Variants in CCDC148 observed in about 807,000 individuals in gnomAD.
CCDC148 encodes the protein coiled-coil domain-containing protein 148.
CCDC148 carries 89 observed loss-of-function variants against 85.7 expected under a neutral mutation model. The ratio of observed to expected loss-of-function variants is 1.04; its 90% confidence interval spans 0.87 to 1.24. The LOEUF is 1.24. Among genes scored for constraint, CCDC148 ranks in the 50% most tolerant of loss-of-function variants. The pLI is 0.00. For synonymous variants in CCDC148, 230 were observed against 213.9 expected, an observed-to-expected ratio of 1.08 and a Z score of -0.66; for missense variants, 692 against 671.7, an observed-to-expected ratio of 1.03 and a Z score of -0.33.
At chr2:158,432,556 A>T (rs111453073) in intron 1 of CCDC148, among the ~76,000 whole-genome samples, 4,148 of 152,260 alleles carry the variant, frequency 0.027, 75 homozygotes, top group Middle Eastern at 0.1. Context: ...AGAACAGAAA[A>T]TCTGAATTCC....
At chr2:158,426,177 G>A (rs1574800243) in intron 1 of CCDC148, among the ~76,000 whole-genome samples, 1 of 151,672 alleles carries the variant, frequency 6.6e-6, no homozygotes, top group East Asian at 1.9e-4. Context: ...TTCACAGATA[G>A]GTATGAGATT....
intron 7 of CCDC148, among the ~76,000 whole-genome samples, chr2:158,334,866 A>G (rs1270825206): frequency 6.6e-6 from 1 of 152,090 alleles, no homozygotes; most frequent in Non-Finnish European, 1.5e-5. Context: ...GTTAATCTTC[A>G]TTTTTAAAGT....
In CCDC148 at chr2:158,210,787, C is replaced by CAAA. The variant is rs34273946; in HGVS notation, c.1370+9805_1370+9807dup. The stretch of plus-strand genomic sequence containing the variant: ...TGAAACCGTGTCTCTACTAAAAATA[C>CAAA]AAAAAAAAAAAAAAAAAAAAAATTA... On this transcript the variant is annotated intron_variant, in intron 11 of 13. Transcript: ENST00000283233. Among the ~76,000 whole-genome samples, 777 of 89,430 alleles carry CAAA rather than the reference C, an allele frequency of 8.7e-3. 5 individuals carry two copies. Among genetic ancestry groups the CAAA allele is most frequent in the African/African-American group, 0.022 (441 of 20,216 alleles). The allele number at this position is 89,430 out of a possible 152,430, so 58.7% of individuals were successfully genotyped here.
At chr2:158,447,135 A>G (rs1187082176) in intron 1 of CCDC148, 3 of 152,150 alleles carry the variant, frequency 2.0e-5, no homozygotes, top group Non-Finnish European at 4.4e-5. Context: ...GTATAAGTTT[A>G]TATTTATATA....
rs372315214 is a variant in CCDC148, at chr2:158,408,005, G to A, written c.25+48410C>T. Among the ~76,000 whole-genome samples the A allele has an allele frequency of 1.4e-4, 21 of 152,246 alleles. No homozygotes were observed. The East Asian group carries it at 3.9e-3, about 28-fold the overall frequency. ...ATATAAAAATGGTCCATTCATTGGT[G>A]GGAGTATACTATGGGTCCAAGTAAG... On this transcript the variant is annotated intron_variant, in intron 1 of 13. Transcript: ENST00000283233.
chr2:158,428,354 G>C (rs555938626), intron 1 of CCDC148, among the ~76,000 whole-genome samples: 11 of 152,114 alleles, frequency 7.2e-5, no homozygotes, highest in African/African-American at 2.7e-4. Flanking sequence ...AACTGTCCAA[G>C]ATCTGATCCT....
At chr2:158,401,739 G>A (rs762147623) in intron 1 of CCDC148, among the ~76,000 whole-genome samples, 2 of 151,866 alleles carry the variant, frequency 1.3e-5, no homozygotes, top group Admixed American at 6.6e-5. Context: ...GAGGGAAAAG[G>A]GAAATGTCCT....
At chr2:158,455,114 G>T (rs1688563661) in intron 1 of CCDC148, among the ~76,000 whole-genome samples, 1 of 152,092 alleles carries the variant, frequency 6.6e-6, no homozygotes, top group Admixed American at 6.6e-5. Flanking sequence ...CAAAATCATT[G>T]GTATCTTTTC....
chr2:158,353,617 C>T (rs975103794), intron 2 of CCDC148, among the ~76,000 whole-genome samples: 4 of 152,160 alleles, frequency 2.6e-5, no homozygotes, highest in Admixed American at 1.3e-4. Context: ...GACTCCCACA[C>T]ATTAATAATG....
intron 10 of CCDC148, among the ~76,000 whole-genome samples, chr2:158,244,968 T>C (rs2105323426): frequency 6.6e-6 from 1 of 152,278 alleles, no homozygotes; most frequent in East Asian, 1.9e-4. Context: ...TCTTAGCTCT[T>C]TAGATCAGTA....
At chr2:158,193,210 A>T (rs1054082996) in intron 11 of CCDC148, among the ~76,000 whole-genome samples, 1 of 152,158 alleles carries the variant, frequency 6.6e-6, no homozygotes, top group Non-Finnish European at 1.5e-5. Context: ...TTAGCCAGGC[A>T]CAATCAACAT....
chr2:158,364,850 G>A (rs966064842), intron 1 of CCDC148, among the ~76,000 whole-genome samples: 3 of 152,056 alleles, frequency 2.0e-5, no homozygotes, highest in African/African-American at 7.2e-5. Flanking sequence ...CACAGCAAAA[G>A]AAACTATCAT....
intron 9 of CCDC148, among the ~76,000 whole-genome samples, chr2:158,252,281 C>A (rs13026705): frequency 6.6e-6 from 1 of 151,394 alleles, no homozygotes; most frequent in African/African-American, 2.4e-5. Context: ...ATCAAAATAA[C>A]CCAGGAAATT....
intron 9 of CCDC148, among the ~76,000 whole-genome samples, chr2:158,260,447 G>A (rs1118632): frequency 0.38 from 57,617 of 151,732 alleles, 11,977 homozygotes; most frequent in South Asian, 0.61. Context: ...CTTGAAAACC[G>A]GCACAAGACA....
chr2:158,198,271 T>A (rs936946564), intron 11 of CCDC148, among the ~76,000 whole-genome samples: 5 of 152,184 alleles, frequency 3.3e-5, no homozygotes, highest in African/African-American at 1.2e-4. Flanking sequence ...TATCTGAATA[T>A]CTCACTTGGC....
intron 9 of CCDC148, among the ~76,000 whole-genome samples, chr2:158,271,648 T>G (rs1403330692): frequency 1.3e-5 from 2 of 152,216 alleles, no homozygotes; most frequent in Admixed American, 1.3e-4. Flanking sequence ...TGTCTTATTA[T>G]TATTCTTGTT....
At chr2:158,281,737 A>T (rs964193121) in intron 9 of CCDC148, among the ~76,000 whole-genome samples, 2 of 152,208 alleles carry the variant, frequency 1.3e-5, no homozygotes, top group African/African-American at 4.8e-5. Flanking sequence ...AAACAATTCC[A>T]ATCAATAGAA....
At chr2:158,435,280 C>T (rs1004694972) in intron 1 of CCDC148, among the ~76,000 whole-genome samples, 8 of 152,294 alleles carry the variant, frequency 5.3e-5, no homozygotes, top group South Asian at 2.1e-4. Flanking sequence ...GCAGATCTCT[C>T]GGCAGAAACT....
intron 9 of CCDC148, among the ~76,000 whole-genome samples, chr2:158,267,677 C>T (rs1443293048): frequency 6.6e-6 from 1 of 152,188 alleles, no homozygotes; most frequent in Non-Finnish European, 1.5e-5. Context: ...TTTAACTCTG[C>T]TTTCATATAA....
Sources: allele counts gnomAD v4.1 joint callset (sites outside exome capture counted in the v4.1 genomes callset), GRCh38; gene constraint gnomAD v4.1.1; transcripts MANE v1.5; gene names NCBI Gene and HGNC (gene_info 2026-07-23, HGNC 2026-07-21).